Variants in CCNYL1 observed in about 807,000 individuals in gnomAD.
The protein encoded by CCNYL1 is cyclin-Y-like protein 1.
A neutral mutation model predicts 44.2 loss-of-function variants in CCNYL1; 16 were observed. That is an observed-to-expected ratio of 0.36 (90% CI 0.25 to 0.55). CCNYL1 has a LOEUF of 0.55. Among genes scored for constraint, CCNYL1 ranks in the 20% least tolerant of loss-of-function variants. The pLI is 0.85. For missense variants in CCNYL1, 348 were observed against 451.8 expected (o/e 0.77, Z 2.08); for synonymous variants, 159 against 163.2 (o/e 0.97, Z 0.20).
intron 1 of CCNYL1, among the ~76,000 whole-genome samples, chr2:207,720,016 C>T (rs2091627973): frequency 6.6e-6 from 1 of 151,842 alleles, no homozygotes; most frequent in African/African-American, 2.4e-5. Flanking sequence ...GGTGAAACCC[C>T]ATCTCTAATA....
chr2:207,714,402 T>C, intron 1 of CCNYL1: 1 of 415,154 alleles, frequency 2.4e-6, no homozygotes, highest in Non-Finnish European at 4.6e-6. Flanking sequence ...GCTCAAGCAG[T>C]CCTCCCACCT....
chr2:207,724,046 A>T (rs2091661571), intron 1 of CCNYL1, among the ~76,000 whole-genome samples: 2 of 152,124 alleles, frequency 1.3e-5, no homozygotes, highest in South Asian at 4.1e-4. Context: ...TGCAAGGTGG[A>T]CTACAGGCAG....
chr2:207,738,813 G>A (rs1357618618), intron 5 of CCNYL1, among the ~76,000 whole-genome samples: 1 of 151,672 alleles, frequency 6.6e-6, no homozygotes, highest in Non-Finnish European at 1.5e-5. Flanking sequence ...TCCGCCTCCC[G>A]GGTTCAAGCG....
In CCNYL1 at chr2:207,751,049, C is replaced by G. The variant is rs144635569; in HGVS notation, c.899C>G (p.Ser300Cys). Residue 300 changes from serine to cysteine, a missense_variant, in exon 9 of 10, where the codon TCC becomes TGC. Around this residue, in one of 3 missense-constraint regions of CCNYL1, gnomAD observed 94 missense variants for 102.4 expected, o/e 0.92. Coordinates refer to ENST00000295414, the MANE Select transcript of CCNYL1 (RefSeq NM_001330218.2). ...GCCAAATACTACTTTGACCTTCGCT[C>G]CTTAGCAGATGACAACAACCTGAAT... ...VYAKYYFDLR[S>C]LADDNNLNFL... 6 of 1,613,988 alleles carry G rather than the reference C, an allele frequency of 3.7e-6. No individual in the cohort carries two copies. The highest frequency in any genetic ancestry group is 5.1e-6 in the Non-Finnish European group (6 of 1,179,970).
At chr2:207,743,602 G>A (rs898897438) in intron 7 of CCNYL1, among the ~76,000 whole-genome samples, 1 of 152,038 alleles carries the variant, frequency 6.6e-6, no homozygotes, top group Admixed American at 6.6e-5. Flanking sequence ...AGAAAAGAAA[G>A]TGGATAGAAG....
intron 4 of CCNYL1, among the ~76,000 whole-genome samples, chr2:207,736,698 AGTT>A (rs2091766798): frequency 6.6e-6 from 1 of 152,208 alleles, no homozygotes; most frequent in Non-Finnish European, 1.5e-5. Flanking sequence ...GGTAGGTGAT[AGTT>A]AATTAAATCA....
chr2:207,725,670 C>T (rs2091674546), intron 2 of CCNYL1, among the ~76,000 whole-genome samples: 1 of 152,182 alleles, frequency 6.6e-6, no homozygotes, highest in Non-Finnish European at 1.5e-5. Flanking sequence ...TTAACTTTTC[C>T]ATCCTAATGT....
In CCNYL1 at chr2:207,726,854, G is replaced by A; in HGVS notation, c.308G>A (p.Arg103Lys). 1.3e-6 allele frequency: 2 copies of A among 1,564,902 alleles called. No homozygotes were observed. Among genetic ancestry groups the A allele is most frequent in the Non-Finnish European group, 1.7e-6 (2 of 1,162,038 alleles). Residue 103 changes from arginine (R) to lysine (K), a missense_variant, in exon 3 of 10, where the codon AGG becomes AAG. Physicochemically the swap from Arg to Lys is conservative, Grantham distance 26. Around this residue, in one of 3 missense-constraint regions of CCNYL1, gnomAD observed 209 missense variants for 247.7 expected, o/e 0.84. Transcript: ENST00000295414. The part of the protein sequence containing the change: ...SKSQTDVREK[R>K]KSNHLNHVSP... ...TTTTTATTCTTAGTGCGAGAAAAGAGGAAGAGCAACCATTTGAACCATGTA... is the reference window on the plus strand; with the variant it reads ...TTTTTATTCTTAGTGCGAGAAAAGAAGAAGAGCAACCATTTGAACCATGTA...
chr2:207,740,516 G>T (rs1035430500), intron 5 of CCNYL1, 139 bp from the exon 6 acceptor site: 11 of 668,112 alleles, frequency 1.6e-5, no homozygotes, highest in Admixed American at 5.5e-5. Flanking sequence ...TCCCGGAGAA[G>T]AATTTGTACA....
intron 5 of CCNYL1, among the ~76,000 whole-genome samples, chr2:207,737,926 G>A (rs894669948): frequency 5.9e-5 from 9 of 151,892 alleles, no homozygotes; most frequent in Non-Finnish European, 1.3e-4. Flanking sequence ...TGAGTAAAAT[G>A]TGTCATGTAT....
chr2:207,724,436 G>A (rs527593823), intron 1 of CCNYL1, among the ~76,000 whole-genome samples: 1 of 152,320 alleles, frequency 6.6e-6, no homozygotes, highest in African/African-American at 2.4e-5. Context: ...CTTGCTACTT[G>A]AGATTGTTCT....
At chr2:207,750,869 T>C (rs1232739273) in intron 8 of CCNYL1, 88 bp from the exon 9 acceptor site, 1 of 1,151,142 alleles carries the variant, frequency 8.7e-7, no homozygotes, top group Non-Finnish European at 1.3e-6. Context: ...TTTAGAGCCA[T>C]TCTAGTCTCT....
At chr2:207,733,411 C>A (rs1363032643) in intron 3 of CCNYL1, among the ~76,000 whole-genome samples, 1 of 152,168 alleles carries the variant, frequency 6.6e-6, no homozygotes, top group Non-Finnish European at 1.5e-5. Context: ...CAGGCCCTTT[C>A]ACTGAGGGTG....
intron 3 of CCNYL1, among the ~76,000 whole-genome samples, chr2:207,733,122 C>CAG (rs1385368840): frequency 6.6e-6 from 1 of 152,100 alleles, no homozygotes; most frequent in East Asian, 1.9e-4. Context: ...TCCCAGAAGG[C>CAG]AGATGGGGTC....
At chr2:207,733,873 T>G (rs2091746449) in intron 3 of CCNYL1, 74 bp from the exon 4 acceptor site, 2 of 905,642 alleles carry the variant, frequency 2.2e-6, no homozygotes, top group South Asian at 2.9e-5. Flanking sequence ...ATTTGACATT[T>G]TAACCAAGGA....
In CCNYL1 at chr2:207,713,811, T is replaced by C. The variant is rs16839956; in HGVS notation, c.220+1695T>C. 4.5e-3 allele frequency among the ~76,000 whole-genome samples: 683 copies of C among 152,292 alleles called. 8 individuals are homozygous for C. The highest frequency in any genetic ancestry group is 0.016 in the African/African-American group (651 of 41,576). On this transcript the variant is annotated intron_variant, in intron 1 of 9. Coordinates refer to ENST00000295414, the MANE Select transcript of CCNYL1 (RefSeq NM_001330218.2). Reference sequence around the variant, plus strand: ...CAGACATTGTGAAAGAATGAACAAATATATTATGTGAGTTAATTGATTGTA... The same window carrying C: ...CAGACATTGTGAAAGAATGAACAAACATATTATGTGAGTTAATTGATTGTA...
chr2:207,732,318 A>C (rs2091734638), intron 3 of CCNYL1, among the ~76,000 whole-genome samples: 1 of 152,236 alleles, frequency 6.6e-6, no homozygotes, highest in Non-Finnish European at 1.5e-5. Context: ...TCCTTCAAAT[A>C]GTAATACTTT....
chr2:207,745,592 A>G (rs1336343752), intron 7 of CCNYL1, among the ~76,000 whole-genome samples: 1 of 152,254 alleles, frequency 6.6e-6, no homozygotes, highest in Non-Finnish European at 1.5e-5. Flanking sequence ...AGTTTGGAGA[A>G]CACTGCCAGA....
chr2:207,751,255 T>C (rs941885186), intron 9 of CCNYL1, 136 bp downstream of exon 9: 4 of 695,950 alleles, frequency 5.7e-6, no homozygotes, highest in Non-Finnish European at 9.3e-6. Flanking sequence ...TATTAGCCCT[T>C]TGGCGTCAGA....
Sources: gnomAD v4.1 joint callset for allele counts (sites outside exome capture counted in the v4.1 genomes callset) on GRCh38, gnomAD v4.1.1 for gene constraint, gnomAD v4.1.1 regional missense constraint, MANE v1.5 for transcripts, NCBI Gene and HGNC (gene_info 2026-07-23, HGNC 2026-07-21) for gene names.